Variants in HMGCLL1 observed in about 807,000 individuals in gnomAD.
The protein encoded by HMGCLL1 is 3-hydroxymethyl-3-methylglutaryl-CoA lyase, cytoplasmic.
HMGCLL1 carries 36 observed loss-of-function variants against 39.1 expected under a neutral mutation model. The observed-to-expected ratio is 0.92, with a 90% CI of 0.71 to 1.22. The LOEUF is 1.22. Ranked by LOEUF, HMGCLL1 falls within the 50% of genes most tolerant of loss-of-function variation. The pLI, the probability that HMGCLL1 is intolerant of heterozygous loss-of-function variation, is 0.00. For missense variants in HMGCLL1, 451 were observed against 416.5 expected, an observed-to-expected ratio of 1.08 and a Z score of -0.72; for synonymous variants, 149 against 144.0, an observed-to-expected ratio of 1.03 and a Z score of -0.25.
At chr6:55,622,690 C>T in the HMGCLL1 span, among the ~76,000 whole-genome samples, 3 of 151,926 alleles carry the variant, frequency 2.0e-5, no homozygotes, top group Non-Finnish European at 4.4e-5. Context: ...TTTACATCAA[C>T]GTTCATCAGA....
At chr6:55,503,464 T>C (rs1004669298) in intron 5 of HMGCLL1, among the ~76,000 whole-genome samples, 10 of 123,838 alleles carry the variant, frequency 8.1e-5, no homozygotes, top group South Asian at 2.6e-4. Context: ...CACATTTTCA[T>C]TGATGAAACC....
intron 7 of HMGCLL1, among the ~76,000 whole-genome samples, chr6:55,445,670 G>C: frequency 6.6e-6 from 1 of 152,096 alleles, no homozygotes. Flanking sequence ...GTGTGTGTGT[G>C]TGACTGTATG....
chr6:55,557,375 C>T (rs972065080), intron 1 of HMGCLL1, among the ~76,000 whole-genome samples: 2 of 151,958 alleles, frequency 1.3e-5, no homozygotes, highest in Admixed American at 1.3e-4. Flanking sequence ...CCTGGCAGCG[C>T]GTCTGTGCTC....
At chr6:55,491,193 C>A (rs1337325634) in intron 7 of HMGCLL1, among the ~76,000 whole-genome samples, 1 of 152,114 alleles carries the variant, frequency 6.6e-6, no homozygotes, top group Non-Finnish European at 1.5e-5. Context: ...TAAAAAATTT[C>A]TTCTTGAGAA....
the HMGCLL1 span, among the ~76,000 whole-genome samples, chr6:55,660,030 C>T: frequency 5.3e-5 from 8 of 151,692 alleles, no homozygotes; most frequent in South Asian, 4.1e-4. Context: ...ATAAATGCCT[C>T]CTTCAGTGCT....
At chr6:55,548,574 G>A (rs1770125642) in intron 1 of HMGCLL1, among the ~76,000 whole-genome samples, 1 of 152,012 alleles carries the variant, frequency 6.6e-6, no homozygotes, top group African/African-American at 2.4e-5. Context: ...TTAAAATGAG[G>A]TTTTTAGCAT....
chr6:55,627,829 C>T, the HMGCLL1 span, among the ~76,000 whole-genome samples: 1 of 124,314 alleles, frequency 8.0e-6, no homozygotes, highest in African/African-American at 3.1e-5. Flanking sequence ...AGATTGCAGA[C>T]AGCTTATTGT....
At chr6:55,449,109 A>G (rs80201613) in intron 7 of HMGCLL1, among the ~76,000 whole-genome samples, 2,675 of 152,316 alleles carry the variant, frequency 0.018, 82 homozygotes, top group African/African-American at 0.061. Context: ...TTTTATGGAT[A>G]AAAACATTGT....
chr6:55,655,403 G>A, the HMGCLL1 span, among the ~76,000 whole-genome samples: 1 of 150,576 alleles, frequency 6.6e-6, no homozygotes, highest in Non-Finnish European at 1.5e-5. Context: ...TGCATACTAT[G>A]GCTCTGTGTC....
At chr6:55,579,305 C>G (rs1771928782), upstream of HMGCLL1, 1 of 567,474 alleles carries the variant, frequency 1.8e-6, no homozygotes. Flanking sequence ...AGCACCTGAA[C>G]AGGAGAGAAA....
the HMGCLL1 span, among the ~76,000 whole-genome samples, chr6:55,654,946 T>C: frequency 5.9e-5 from 9 of 152,022 alleles, no homozygotes; most frequent in African/African-American, 1.4e-4. Flanking sequence ...ATGAATTCCA[T>C]TGAAAAATCC....
At chr6:55,599,322 G>T in the HMGCLL1 span, among the ~76,000 whole-genome samples, 3 of 152,114 alleles carry the variant, frequency 2.0e-5, no homozygotes, top group Non-Finnish European at 4.4e-5. Flanking sequence ...GTATGCATTT[G>T]TTAATTCAAT....
chr6:55,569,756 A>G (rs762637381), intron 1 of HMGCLL1, among the ~76,000 whole-genome samples: 2 of 152,178 alleles, frequency 1.3e-5, no homozygotes, highest in Admixed American at 6.6e-5. Context: ...AAAATAAAAA[A>G]TAAGGAGGGT....
chr6:55,650,430 A>T, the HMGCLL1 span, among the ~76,000 whole-genome samples: 127 of 150,080 alleles, frequency 8.5e-4, no homozygotes, highest in Middle Eastern at 3.4e-3. Context: ...CTAGGCAGAG[A>T]CTCTTTTTCT....
the HMGCLL1 span, among the ~76,000 whole-genome samples, chr6:55,617,145 A>C: frequency 6.6e-6 from 1 of 152,106 alleles, no homozygotes; most frequent in East Asian, 1.9e-4. Flanking sequence ...CTGTCACAAA[A>C]AAAACCCTAA....
chr6:55,622,513 T>C, the HMGCLL1 span, among the ~76,000 whole-genome samples: 1 of 152,098 alleles, frequency 6.6e-6, no homozygotes, highest in Admixed American at 6.6e-5. Context: ...TGTTTTAGTA[T>C]CAGTTGAGAT....
chr6:55,515,510 G>A (rs12200439), intron 4 of HMGCLL1, among the ~76,000 whole-genome samples: 42,809 of 151,852 alleles, frequency 0.28, 7,389 homozygotes, highest in Non-Finnish European at 0.37. Context: ...CAGCTATAGC[G>A]CAAAAAAGGT....
chr6:55,524,843 T>G (rs1292184912), intron 3 of HMGCLL1, among the ~76,000 whole-genome samples: 1 of 151,760 alleles, frequency 6.6e-6, no homozygotes, highest in African/African-American at 2.4e-5. Flanking sequence ...AAGGCTAAAC[T>G]TTACAGCACT....
the HMGCLL1 span, among the ~76,000 whole-genome samples, chr6:55,589,584 T>C: frequency 2.6e-5 from 4 of 152,272 alleles, no homozygotes; most frequent in Admixed American, 1.3e-4. Context: ...ATAAAGGGTA[T>C]TCAATTAGGA....
Sources: allele counts gnomAD v4.1 joint callset (sites outside exome capture counted in the v4.1 genomes callset), GRCh38; gene constraint gnomAD v4.1.1; transcripts MANE v1.5; gene names NCBI Gene and HGNC (gene_info 2026-07-23, HGNC 2026-07-21).